The following ARL4D variants were observed in gnomAD, a reference collection of about 807,000 sequenced individuals.
ARL4D encodes the protein ARF like GTPase 4D.
In ARL4D, 1 loss-of-function variant was observed where a neutral mutation model predicts 0.6. That is an observed-to-expected ratio of 1.64 (90% CI 0.58 to 7.76). The LOEUF is 7.76. Ranked by LOEUF, ARL4D falls within the 30% of genes most tolerant of loss-of-function variation. ARL4D has a pLI of 0.14. For synonymous variants in ARL4D, 102 were observed against 115.2 expected, an observed-to-expected ratio of 0.89 and a Z score of 0.73; for missense variants, 230 against 264.5, an observed-to-expected ratio of 0.87 and a Z score of 0.90.
At position 43,401,066 on chromosome 17, in the gene ARL4D, T is replaced by C. The variant is rs1394460213; in HGVS notation, c.*728T>C. On this transcript the variant is annotated 3_prime_UTR_variant, in exon 2 of 2. Transcript: ENST00000320033. ...GCTGAATTTGCAAAGCAAGCACTTA[T>C]AAAAATTAGATTGTGTGTTACGGGA... 3 of 166,980 alleles carry C rather than the reference T, an allele frequency of 1.8e-5. No individual in the cohort carries two copies. The highest frequency in any genetic ancestry group is 7.3e-5 in the African/African-American group (3 of 41,378). The allele number at this position is 166,980 out of a possible 1,614,324, so 10.3% of individuals were successfully genotyped here.
Position 43,400,085 on chromosome 17 carries a change from G to A in ARL4D, c.353G>A (p.Arg118Gln), listed in dbSNP as rs2058081719. The A allele has an allele frequency of 6.2e-7, 1 of 1,612,152 alleles. No individual in the cohort carries two copies. The highest frequency in any genetic ancestry group is 8.5e-7 in the Non-Finnish European group (1 of 1,179,980). Residue 118 changes from arginine to glutamine, a missense_variant, in exon 2 of 2, where the codon CGA (arginine) becomes CAA (glutamine). By Grantham distance (43) the Arg-to-Gln change is conservative (BLOSUM62 1). Transcript: ENST00000320033. ...RLEEAKVELH[R>Q]ISRASDNQGV... ...GAGGAAGCCAAGGTGGAGTTGCACC[G>A]AATCAGCCGGGCCTCGGACAACCAG...
chr17:43,399,562 A>T, intron 1 of ARL4D, 99 bp from the exon 2 acceptor site: 1 of 810,654 alleles, frequency 1.2e-6, no homozygotes, highest in Non-Finnish European at 1.9e-6. Flanking sequence ...TTTAAAAATG[A>T]AGGATGGGAG....
Position 43,400,350 on chromosome 17 carries a change from C to G in ARL4D, c.*12C>G, listed in dbSNP as rs774799110. On this transcript the variant is annotated 3_prime_UTR_variant, in exon 2 of 2. Coordinates refer to ENST00000320033, the MANE Select transcript of ARL4D (RefSeq NM_001661.4). ...AGAAGAGACGGTGACCCAAGCCCCC[C>G]CTCCCTTTCCTCCCACCTAGTAGGG... The G allele has an allele frequency of 4.9e-5, 76 of 1,558,278 alleles. No homozygotes were observed. The highest frequency in any genetic ancestry group is 6.3e-5 in the Non-Finnish European group (73 of 1,152,428).
In ARL4D at chr17:43,400,194, C is replaced by T. The variant is rs1304392120; in HGVS notation, c.462C>T (p.Val154=). The T allele has an allele frequency of 6.3e-7, 1 of 1,595,590 alleles. No individual in the cohort carries two copies. Among genetic ancestry groups the T allele is most frequent in the Non-Finnish European group, 8.5e-7 (1 of 1,172,904 alleles). The stretch of plus-strand genomic sequence containing the variant: ...CTGAGGTGGAGAAGAGGCTGGCAGT[C>T]CGAGAGCTAGCAGCCGCCACTCTCA... ...SAAEVEKRLA[V]RELAAATLTH... Residue 154 remains valine (V), a synonymous_variant, in exon 2 of 2, where the codon GTC becomes GTT. Transcript: ENST00000320033.
In ARL4D at chr17:43,400,326, G is replaced by A. The variant is rs1420803017; in HGVS notation, c.594G>A (p.Lys198=). ...LKRKKAARGG[K]KRR ...GGAAGAAGGCAGCTCGGGGTGGCAA[G>A]AAGAGACGGTGACCCAAGCCCCCCC... The change falls in exon 2 of 2, where the codon AAG becomes AAA. Residue 198 remains lysine (K), a synonymous_variant. Coordinates refer to ENST00000320033, the MANE Select transcript of ARL4D (RefSeq NM_001661.4). 8 of 1,585,592 alleles carry A rather than the reference G, an allele frequency of 5.0e-6. No homozygotes were observed. The highest frequency in any genetic ancestry group is 2.2e-5 in the East Asian group (1 of 44,564).
Position 43,400,223 on chromosome 17 carries a change from A to G in ARL4D, c.491A>G (p.His164Arg). The change falls in exon 2 of 2, where the codon CAT becomes CGT. Residue 164 changes from histidine (H) to arginine (R), a missense_variant. Physicochemically the swap from His to Arg is conservative, Grantham distance 29. Transcript: ENST00000320033. Reference protein sequence around the residue: ...VRELAAATLTHVQGCSAVDGL... With the variant: ...VRELAAATLTRVQGCSAVDGL... Reference sequence around the variant, plus strand: ...GAGCTAGCAGCCGCCACTCTCACTCATGTGCAAGGCTGCAGCGCTGTGGAC... The same window carrying G: ...GAGCTAGCAGCCGCCACTCTCACTCGTGTGCAAGGCTGCAGCGCTGTGGAC... The G allele has an allele frequency of 6.2e-7, 1 of 1,603,986 alleles. No homozygotes were observed. Among genetic ancestry groups the G allele is most frequent in the Non-Finnish European group, 8.5e-7 (1 of 1,176,348 alleles).
At position 43,400,396 on chromosome 17, in the gene ARL4D, G is replaced by C. The variant is rs1215370606; in HGVS notation, c.*58G>C. On this transcript the variant is annotated 3_prime_UTR_variant, in exon 2 of 2. Transcript: ENST00000320033. ...TAGGGGTCTGCACACTTGGACAGCAGGGTGGGACCAGCCTGTGACCTCTCA... is the reference window on the plus strand; with the variant it reads ...TAGGGGTCTGCACACTTGGACAGCACGGTGGGACCAGCCTGTGACCTCTCA... 18 of 1,519,866 alleles carry C rather than the reference G, an allele frequency of 1.2e-5. No individual in the cohort carries two copies. The highest frequency in any genetic ancestry group is 1.6e-5 in the Non-Finnish European group (18 of 1,135,894). 94.1% of individuals were successfully genotyped at this position (1,519,866 alleles called of 1,614,324 possible).
chr17:43,400,429 T>A lies in ARL4D; in HGVS notation c.*91T>A. The A allele has an allele frequency of 6.8e-7, 1 of 1,476,292 alleles. No homozygotes were observed. Among genetic ancestry groups the A allele is most frequent in the Non-Finnish European group, 9.1e-7 (1 of 1,104,066 alleles). 91.4% of individuals were successfully genotyped at this position (1,476,292 alleles called of 1,614,324 possible). ...CCAGCCTGTGACCTCTCAGTCAGAC[T>A]GGGGTGCAGGACCTGTCCACCTCAA... is the stretch of plus-strand genomic sequence containing the variant. On this transcript the variant is annotated 3_prime_UTR_variant, in exon 2 of 2. Transcript: ENST00000320033.
rs528651865 is a variant in ARL4D at position 43,400,629 on chromosome 17, C to T, written c.*291C>T. 9.8e-6 allele frequency: 3 copies of T among 305,638 alleles called. No homozygotes were observed. The East Asian group carries it at 1.9e-4, about 19-fold the overall frequency. The allele number at this position is 305,638 out of a possible 1,614,324, so 18.9% of individuals were successfully genotyped here. On this transcript the variant is annotated 3_prime_UTR_variant, in exon 2 of 2. Transcript: ENST00000320033. ...CTCGACCCTGTTTCTTATTTTTCTT[C>T]TCTGGCTAAAAATTTTTAATTGGAT...
chr17:43,399,792 A>C lies in ARL4D; in HGVS notation c.60A>C (p.Gln20His). The change falls in exon 2 of 2, where the codon CAA becomes CAC. Residue 20 changes from glutamine to histidine, a missense_variant. By Grantham distance (24) the Gln-to-His change is conservative. This residue lies in a region of ARL4D where 91 missense variants were observed against 100.4 expected (regional missense o/e 0.91). Transcript: ENST00000320033. ...CCTCCTCCTTCTTGCCCCACTTCCA[A>C]GCCCTGCATGTCGTGGTCATTGGGC... ...PTASSFLPHF[Q>H]ALHVVVIGLD... 1 of 1,613,958 alleles carries C rather than the reference A, an allele frequency of 6.2e-7. No individual in the cohort carries two copies. Among genetic ancestry groups the C allele is most frequent in the South Asian group, 1.1e-5 (1 of 91,066 alleles).
Position 43,399,839 on chromosome 17 carries a change from C to G in ARL4D, c.107C>G (p.Ser36Cys). ...VIGLDSAGKT[S>C]LLYRLKFKEF... ...GGGCTGGACTCTGCTGGAAAGACCT[C>G]CCTCCTTTACCGCCTCAAGTTCAAG... The change falls in exon 2 of 2, where the codon TCC becomes TGC. Residue 36 changes from serine to cysteine, a missense_variant. By Grantham distance (112) the Ser-to-Cys change is moderately radical (BLOSUM62 -1). Around this residue, in one of 3 missense-constraint regions of ARL4D, gnomAD observed 91 missense variants for 100.4 expected, o/e 0.91. Transcript: ENST00000320033. 1.2e-6 allele frequency: 2 copies of G among 1,614,114 alleles called. No individual in the cohort carries two copies. Among genetic ancestry groups the G allele is most frequent in the South Asian group, 1.1e-5 (1 of 91,080 alleles).
Position 43,400,878 on chromosome 17 carries a change from T to C in ARL4D, c.*540T>C, listed in dbSNP as rs981051605. 1 of 168,334 alleles carries C rather than the reference T, an allele frequency of 5.9e-6. No homozygotes were observed. Among genetic ancestry groups the C allele is most frequent in the Non-Finnish European group, 1.4e-5 (1 of 69,018 alleles). 10.4% of individuals were successfully genotyped at this position (168,334 alleles called of 1,614,324 possible). A position where few individuals can be genotyped will look rare whatever the true frequency, so the allele number is the denominator to read the frequency against. ...TAAGCTGTGTGTGTCCTCTGTATTA[T>C]TGTTATTAACTATTTTTTAGCATTT... On this transcript the variant is annotated 3_prime_UTR_variant, in exon 2 of 2. Transcript: ENST00000320033.
chr17:43,399,645 C>T lies in ARL4D; in HGVS notation c.-72-16C>T. 6.8e-7 allele frequency: 1 copy of T among 1,481,252 alleles called. No homozygotes were observed. The highest frequency in any genetic ancestry group is 9.1e-7 in the Non-Finnish European group (1 of 1,104,714). 91.8% of individuals were successfully genotyped at this position (1,481,252 alleles called of 1,614,324 possible). ...TAAACGTCTCCTTTTTCTCCCATGA[C>T]CTTTTCTTGGTTCAGATAACCCAGC... On this transcript the variant is annotated splice_polypyrimidine_tract_variant and intron_variant, in intron 1 of 1. Coordinates refer to ENST00000320033, the MANE Select transcript of ARL4D (RefSeq NM_001661.4).
In ARL4D at chr17:43,399,770, C is replaced by A. The variant is rs2058080075; in HGVS notation, c.38C>A (p.Ser13Tyr). Residue 13 changes from serine to tyrosine, a missense_variant, in exon 2 of 2, where the codon TCC (serine) becomes TAC (tyrosine). Around this residue, in one of 3 missense-constraint regions of ARL4D, gnomAD observed 91 missense variants for 100.4 expected, o/e 0.91. Transcript: ENST00000320033. ...TTGACTGAGATGGCGCCCACTGCCT[C>A]CTCCTTCTTGCCCCACTTCCAAGCC... ...NHLTEMAPTA[S>Y]SFLPHFQALH... is the part of the protein sequence containing the mutation. 1 of 1,613,882 alleles carries A rather than the reference C, an allele frequency of 6.2e-7. No individual in the cohort carries two copies.
Position 43,400,669 on chromosome 17 carries a change from G to A in ARL4D, c.*331G>A, listed in dbSNP as rs1411462770. 3 of 232,990 alleles carry A rather than the reference G, an allele frequency of 1.3e-5. No individual in the cohort carries two copies. Among genetic ancestry groups the A allele is most frequent in the African/African-American group, 2.3e-5 (1 of 43,762 alleles). The allele number at this position is 232,990 out of a possible 1,614,324, so 14.4% of individuals were successfully genotyped here. On this transcript the variant is annotated 3_prime_UTR_variant, in exon 2 of 2. Coordinates refer to ENST00000320033, the MANE Select transcript of ARL4D (RefSeq NM_001661.4). ...TTTAATTGGATGTGTTTGGGGGCGGGGGGATGGAAGTGACTTGGAGAATGT... is the reference window on the plus strand; with the variant it reads ...TTTAATTGGATGTGTTTGGGGGCGGAGGGATGGAAGTGACTTGGAGAATGT...
rs143430693 is a variant in ARL4D at position 43,400,532 on chromosome 17, A to C, written c.*194A>C. On this transcript the variant is annotated 3_prime_UTR_variant, in exon 2 of 2. Transcript: ENST00000320033. ...GATGGGAGATGGGATGTCTTTGCAT[A>C]TCTCTCTCATCCTCTCTGGAGAAGT... 1,008 of 670,228 alleles carry C rather than the reference A, an allele frequency of 1.5e-3. 8 individuals are homozygous for C. The highest frequency in any genetic ancestry group is 9.8e-3 in the African/African-American group (542 of 55,192). 41.5% of individuals were successfully genotyped at this position (670,228 alleles called of 1,614,324 possible). A position where few individuals can be genotyped will look rare whatever the true frequency, so the allele number is the denominator to read the frequency against.
At position 43,399,571 on chromosome 17, in the gene ARL4D, A is replaced by C. The variant is rs570311069; in HGVS notation, c.-72-90A>C. On this transcript the variant is annotated intron_variant, in intron 1 of 1. Coordinates refer to ENST00000320033, the MANE Select transcript of ARL4D (RefSeq NM_001661.4). ...AGGAATTTTAAAAATGAAGGATGGG[A>C]GGGTGATTTAGGAAGGGATCAAGAA... is the stretch of plus-strand genomic sequence containing the variant. 316 of 769,312 alleles carry C rather than the reference A, an allele frequency of 4.1e-4. 2 individuals carry two copies. The South Asian group carries it at 6.0e-3, about 15-fold the overall frequency. The allele number at this position is 769,312 out of a possible 1,614,324, so 47.7% of individuals were successfully genotyped here.
Position 43,399,931 on chromosome 17 carries a change from T to C in ARL4D, c.199T>C (p.Ser67Pro). 1 of 1,613,074 alleles carries C rather than the reference T, an allele frequency of 6.2e-7. No individual in the cohort carries two copies. Reference sequence around the variant, plus strand: ...GAAGATCCGGGTGCCCCTCGGGGGATCGCGTGGCATCACCTTCCAAGTGTG... The same window carrying C: ...GAAGATCCGGGTGCCCCTCGGGGGACCGCGTGGCATCACCTTCCAAGTGTG... ...TEKIRVPLGG[S>P]RGITFQVWDV... The change falls in exon 2 of 2, where the codon TCG becomes CCG. Residue 67 changes from serine to proline, a missense_variant. Ser to Pro is a moderately conservative substitution (Grantham distance 74). Coordinates refer to ENST00000320033, the MANE Select transcript of ARL4D (RefSeq NM_001661.4).
In ARL4D at chr17:43,400,177, GAGA is replaced by G. The variant is rs1310257307; in HGVS notation, c.449_451del (p.Lys150del). The G allele has an allele frequency of 6.2e-7, 1 of 1,602,008 alleles. No individual in the cohort carries two copies. Among genetic ancestry groups the G allele is most frequent in the East Asian group, 2.3e-5 (1 of 44,414 alleles). On this transcript the variant is annotated inframe_deletion, in exon 2 of 2. Transcript: ENST00000320033. ...CGGGGCACTGAGCGCTGCTGAGGTG[GAGA>G]AGAGGCTGGCAGTCCGAGAGCTAGC... is the stretch of plus-strand genomic sequence containing the variant.
Sources: allele counts gnomAD v4.1 joint callset, GRCh38; gene constraint gnomAD v4.1.1; regional missense constraint gnomAD v4.1.1; transcripts MANE v1.5; gene names NCBI Gene and HGNC (gene_info 2026-07-23, HGNC 2026-07-21).